The following ICA1 variants were observed in gnomAD, a reference collection of about 807,000 sequenced individuals.
ICA1 encodes the protein islet cell autoantigen 1, also known as 69 kDa islet cell autoantigen.
In ICA1, 40 loss-of-function variants were observed where a neutral mutation model predicts 71.0. That is an observed-to-expected ratio of 0.56 (90% confidence interval 0.44 to 0.73). ICA1 has a LOEUF of 0.73. Ranked by LOEUF, ICA1 falls within the 30% of genes least tolerant of loss-of-function variation. The pLI is 0.00. For missense variants in ICA1, 578 were observed against 576.5 expected (o/e 1.00, Z -0.03); for synonymous variants, 207 against 209.5 (o/e 0.99, Z 0.10).
intron 6 of ICA1, among the ~76,000 whole-genome samples, chr7:8,204,920 GGGACAATTAA>G (rs1486654492): frequency 6.6e-6 from 1 of 152,082 alleles, no homozygotes; most frequent in Non-Finnish European, 1.5e-5. Flanking sequence ...GGAGAAAGGA[GGGACAATTAA>G]GTCCACAATG....
intron 1 of ICA1, among the ~76,000 whole-genome samples, chr7:8,259,361 T>C (rs982616110): frequency 7.9e-5 from 12 of 152,082 alleles, no homozygotes; most frequent in Non-Finnish European, 1.5e-4. Context: ...CTGGAACAAA[T>C]TAGATTTGTT....
intron 6 of ICA1, among the ~76,000 whole-genome samples, chr7:8,187,142 A>G (rs1269783246): frequency 3.3e-5 from 5 of 152,342 alleles, no homozygotes; most frequent in African/African-American, 1.2e-4. Context: ...GTCCTTGTTC[A>G]CACATCATAC....
chr7:8,188,650 G>A (rs1784610666), intron 6 of ICA1, among the ~76,000 whole-genome samples: 2 of 152,192 alleles, frequency 1.3e-5, no homozygotes, highest in Admixed American at 1.3e-4. Flanking sequence ...AGGTAGCTGG[G>A]ACTTCAGAAA....
chr7:8,179,502 T>C (rs1411528355), intron 6 of ICA1, among the ~76,000 whole-genome samples: 2 of 152,248 alleles, frequency 1.3e-5, no homozygotes, highest in Non-Finnish European at 2.9e-5. Context: ...CAAAATTCGT[T>C]TTCATACCAT....
At chr7:8,205,098 G>A (rs376645177) in intron 6 of ICA1, among the ~76,000 whole-genome samples, 97 of 149,832 alleles carry the variant, frequency 6.5e-4, no homozygotes, top group African/African-American at 2.2e-3. Context: ...AAAAAAAGGC[G>A]GGGGGGTGGG....
At chr7:8,220,715 T>C (rs1271940810) in intron 5 of ICA1, among the ~76,000 whole-genome samples, 2 of 152,218 alleles carry the variant, frequency 1.3e-5, no homozygotes, top group African/African-American at 2.4e-5. Context: ...AACTTGAATT[T>C]ACATCAAAAC....
At chr7:8,190,023 T>C (rs1416424129) in intron 6 of ICA1, among the ~76,000 whole-genome samples, 1 of 152,224 alleles carries the variant, frequency 6.6e-6, no homozygotes, top group East Asian at 1.9e-4. Flanking sequence ...TGGAATTTTG[T>C]ACTCCTGGAC....
At chr7:8,142,891 T>C (rs1000210462) in intron 9 of ICA1, among the ~76,000 whole-genome samples, 2 of 152,216 alleles carry the variant, frequency 1.3e-5, no homozygotes, top group Non-Finnish European at 2.9e-5. Flanking sequence ...CAGTGAGAAC[T>C]TGTCTTCATT....
intron 6 of ICA1, among the ~76,000 whole-genome samples, chr7:8,181,721 A>T (rs1782242005): frequency 6.6e-6 from 1 of 152,180 alleles, no homozygotes; most frequent in Non-Finnish European, 1.5e-5. Context: ...TGCCATTTTC[A>T]GTTTTTAAAC....
chr7:8,150,422 T>C (rs1364142239), intron 8 of ICA1, among the ~76,000 whole-genome samples: 1 of 152,244 alleles, frequency 6.6e-6, no homozygotes, highest in African/African-American at 2.4e-5. Flanking sequence ...CTGTGCTCTA[T>C]GTTTTCTGTA....
intron 6 of ICA1, among the ~76,000 whole-genome samples, chr7:8,198,369 G>C (rs1788415462): frequency 6.6e-6 from 1 of 152,234 alleles, no homozygotes; most frequent in African/African-American, 2.4e-5. Context: ...TATTGCAACA[G>C]AAAATATGAG....
chr7:8,189,901 C>T lies in ICA1; in HGVS notation c.579+28404G>A, dbSNP rs187771163. Among the ~76,000 whole-genome samples the T allele has an allele frequency of 3.1e-4, 47 of 152,208 alleles. 1 individual carries two copies. Among genetic ancestry groups the T allele is most frequent in the Non-Finnish European group, 4.4e-5 (3 of 68,004 alleles). ...TGGGAACTGTCTGTACTTAGAAAGG[C>T]GGATTTCAAGAGGTAGGGGATCCTA... On this transcript the variant is annotated intron_variant, in intron 6 of 13. Coordinates refer to ENST00000402384, the MANE Select transcript of ICA1 (RefSeq NM_001136020.3).
rs549000645 is a variant in ICA1 at position 8,120,295 on chromosome 7, T to A, written c.1331-6251A>T. Among the ~76,000 whole-genome samples, 8 of 152,340 alleles carry A rather than the reference T, an allele frequency of 5.3e-5. No homozygotes were observed. The South Asian group carries it at 1.2e-3, about 24-fold the overall frequency. ...ATGCGCATGAAGAGATAAAATAGTA[T>A]GTCTATGACACCGACTATTTATGGG... On this transcript the variant is annotated intron_variant, in intron 13 of 13. Transcript: ENST00000402384.
rs73061603 is a variant in ICA1, at chr7:8,208,962, C to T, written c.579+9343G>A. ...TTTACGGCAGTATTTTGACCTGGAACTTGATGGTTCCACTCAGTAAAACCT... is the reference window on the plus strand; with the variant it reads ...TTTACGGCAGTATTTTGACCTGGAATTTGATGGTTCCACTCAGTAAAACCT... On this transcript the variant is annotated intron_variant, in intron 6 of 13. Transcript: ENST00000402384. Among the ~76,000 whole-genome samples, 412 of 152,316 alleles carry T rather than the reference C, an allele frequency of 2.7e-3. 1 individual carries two copies. The highest frequency in any genetic ancestry group is 5.2e-3 in the Non-Finnish European group (352 of 68,032).
intron 9 of ICA1, chr7:8,142,099 A>C: frequency 3.1e-6 from 3 of 967,018 alleles, no homozygotes; most frequent in Non-Finnish European, 4.3e-6. Flanking sequence ...GCATACAGTT[A>C]TCACCTTAAA....
intron 6 of ICA1, among the ~76,000 whole-genome samples, chr7:8,206,543 A>G (rs1791593563): frequency 6.6e-6 from 1 of 152,042 alleles, no homozygotes; most frequent in Non-Finnish European, 1.5e-5. Context: ...CAATATTTTT[A>G]ATACAAATTA....
At chr7:8,210,867 C>T (rs138403897) in intron 6 of ICA1, among the ~76,000 whole-genome samples, 1 of 152,132 alleles carries the variant, frequency 6.6e-6, no homozygotes, top group Non-Finnish European at 1.5e-5. Flanking sequence ...CGTGCACCAC[C>T]ATGGGCCAAG....
chr7:8,223,282 T>A lies in ICA1; in HGVS notation c.257-1884A>T, dbSNP rs1043476526. 1.3e-5 allele frequency among the ~76,000 whole-genome samples: 2 copies of A among 152,208 alleles called. No individual in the cohort carries two copies. Among genetic ancestry groups the A allele is most frequent in the Non-Finnish European group, 2.9e-5 (2 of 68,034 alleles). Reference sequence around the variant, plus strand: ...AAGTCTCAAGTCACATACAAATGAATGCATTTAGCTTAAGGCTAGGAAGAA... The same window carrying A: ...AAGTCTCAAGTCACATACAAATGAAAGCATTTAGCTTAAGGCTAGGAAGAA... On this transcript the variant is annotated intron_variant, in intron 4 of 13. Coordinates refer to ENST00000402384, the MANE Select transcript of ICA1 (RefSeq NM_001136020.3). The surrounding 1 kb of genome is among the most constrained non-coding windows in gnomAD (Gnocchi z 4.1).
chr7:8,141,637 C>T, intron 10 of ICA1, 128 bp downstream of exon 10: 1 of 603,390 alleles, frequency 1.7e-6, no homozygotes, highest in Admixed American at 3.2e-5. Flanking sequence ...CTACAGGAAG[C>T]AAATTAGCCT....
Sources: gnomAD v4.1 joint callset for allele counts (sites outside exome capture counted in the v4.1 genomes callset) on GRCh38, gnomAD v4.1.1 for gene constraint, Gnocchi (gnomAD v3.1) non-coding constraint, MANE v1.5 for transcripts, NCBI Gene and HGNC (gene_info 2026-07-23, HGNC 2026-07-21) for gene names.